HPSE2: variants seen among roughly 807,000 people sequenced by gnomAD.
HPSE2 encodes the protein heparanase 2 (inactive), also known as inactive heparanase-2.
Under a neutral mutation model 60.5 loss-of-function variants are expected in HPSE2, and 38 were observed. The observed-to-expected ratio is 0.63, with a 90% CI of 0.48 to 0.82. The LOEUF is 0.82. Ranked by LOEUF, HPSE2 falls within the 40% of genes least tolerant of loss-of-function variation. HPSE2 has a pLI of 0.00. For synonymous variants in HPSE2, 295 were observed against 293.2 expected (o/e 1.01, Z -0.06); for missense variants, 713 against 740.4 (o/e 0.96, Z 0.43).
the HPSE2 span, among the ~76,000 whole-genome samples, chr10:99,305,576 C>T: frequency 6.6e-6 from 1 of 152,148 alleles, no homozygotes; most frequent in South Asian, 2.1e-4. Context: ...TAAATCACCT[C>T]TGGTGGAAGA....
Position 99,154,913 on chromosome 10 carries a change from C to T in HPSE2, c.449-10514G>A, listed in dbSNP as rs865915898. ...AAATAAAGGGATGGAGGAAGATCTA[C>T]CAAGCAAATGGAAAACAAAAAAAGG... On this transcript the variant is annotated intron_variant, in intron 2 of 11. Transcript: ENST00000370552. Among the ~76,000 whole-genome samples the T allele has an allele frequency of 2.0e-3, 310 of 151,924 alleles. 2 individuals are homozygous for T. Among genetic ancestry groups the T allele is most frequent in the African/African-American group, 7.3e-3 (303 of 41,426 alleles).
At chr10:99,191,739 T>C (rs1848229385) in intron 2 of HPSE2, among the ~76,000 whole-genome samples, 1 of 152,062 alleles carries the variant, frequency 6.6e-6, no homozygotes, top group South Asian at 2.1e-4. Flanking sequence ...TCCACAACCA[T>C]CAACAACATC....
intron 7 of HPSE2, among the ~76,000 whole-genome samples, chr10:98,630,110 C>T (rs1946320867): frequency 1.3e-5 from 2 of 152,128 alleles, no homozygotes; most frequent in Admixed American, 6.5e-5. Flanking sequence ...TCCCCCATTG[C>T]TCCCCTGTGG....
chr10:98,715,096 G>GAT (rs1363227743), intron 5 of HPSE2, among the ~76,000 whole-genome samples: 4 of 151,774 alleles, frequency 2.6e-5, no homozygotes, highest in African/African-American at 7.3e-5. Context: ...TCTCTTATCA[G>GAT]ATATATGACT....
At chr10:99,002,795 C>T (rs1019821900) in intron 3 of HPSE2, among the ~76,000 whole-genome samples, 14 of 151,758 alleles carry the variant, frequency 9.2e-5, no homozygotes, top group African/African-American at 2.9e-4. Flanking sequence ...TTACAAAATA[C>T]GTATACAAAA....
intron 9 of HPSE2, among the ~76,000 whole-genome samples, chr10:98,606,252 T>C (rs1462140): frequency 0.1 from 15,270 of 152,164 alleles, 845 homozygotes; most frequent in South Asian, 0.18. Flanking sequence ...GAAGCAAGAG[T>C]TGAGTACAGA....
chr10:98,729,301 T>A (rs530403424), intron 4 of HPSE2, among the ~76,000 whole-genome samples: 21 of 150,946 alleles, frequency 1.4e-4, no homozygotes, highest in South Asian at 8.3e-4. Flanking sequence ...GAAGGTAAAA[T>A]TTTTTTTTAA....
chr10:99,266,855 G>C, the HPSE2 span, among the ~76,000 whole-genome samples: 3 of 152,156 alleles, frequency 2.0e-5, no homozygotes, highest in African/African-American at 7.2e-5. Flanking sequence ...GTACCAGCCT[G>C]AAGCCCGGCA....
intron 9 of HPSE2, among the ~76,000 whole-genome samples, chr10:98,569,127 G>A (rs937649350): frequency 6.7e-6 from 1 of 149,368 alleles, no homozygotes; most frequent in African/African-American, 2.5e-5. Flanking sequence ...GCAATGGCTC[G>A]ATCTCAGGTC....
chr10:99,234,414 A>G (rs747170064), intron 1 of HPSE2, among the ~76,000 whole-genome samples: 115 of 152,252 alleles, frequency 7.6e-4, no homozygotes, highest in Non-Finnish European at 1.5e-3. Context: ...CGAAGGACGC[A>G]CAACGGACCT....
chr10:99,117,233 T>C (rs1403100546), intron 3 of HPSE2, among the ~76,000 whole-genome samples: 3 of 149,892 alleles, frequency 2.0e-5, no homozygotes, highest in African/African-American at 7.3e-5. Flanking sequence ...CCTAAATAAG[T>C]AGATAATTCA....
intron 6 of HPSE2, among the ~76,000 whole-genome samples, chr10:98,662,620 G>A (rs1947254639): frequency 6.6e-6 from 1 of 152,164 alleles, no homozygotes; most frequent in African/African-American, 2.4e-5. Flanking sequence ...TAGTACCTGG[G>A]TGATGAAATA....
intron 3 of HPSE2, among the ~76,000 whole-genome samples, chr10:98,968,639 T>C (rs1955874049): frequency 6.6e-6 from 1 of 152,208 alleles, no homozygotes; most frequent in South Asian, 2.1e-4. Flanking sequence ...ATGTGGTATA[T>C]ATACACCATG....
chr10:99,089,533 G>T (rs1843441515), intron 3 of HPSE2, among the ~76,000 whole-genome samples: 1 of 152,112 alleles, frequency 6.6e-6, no homozygotes, highest in Admixed American at 6.6e-5. Flanking sequence ...TGGTCTATGT[G>T]CCTATTTTTA....
intron 3 of HPSE2, among the ~76,000 whole-genome samples, chr10:98,829,058 A>C (rs1951620382): frequency 6.6e-6 from 1 of 152,240 alleles, no homozygotes; most frequent in South Asian, 2.1e-4. Context: ...CCTTGAAGAC[A>C]TTAATGTTAA....
chr10:98,791,413 C>T (rs1047816929), intron 3 of HPSE2, among the ~76,000 whole-genome samples: 1 of 152,026 alleles, frequency 6.6e-6, no homozygotes, highest in Non-Finnish European at 1.5e-5. Flanking sequence ...AATGGGAATG[C>T]GCTGAGAAAG....
intron 3 of HPSE2, among the ~76,000 whole-genome samples, chr10:98,903,521 T>C (rs1953724582): frequency 6.6e-6 from 1 of 152,124 alleles, no homozygotes; most frequent in Non-Finnish European, 1.5e-5. Flanking sequence ...ACCTCTTTAG[T>C]GCTAAGATCA....
rs557373856 is a variant in HPSE2, at chr10:99,224,760, A to T, written c.448+7588T>A. ...ATAATAATTTGGTATTGGCAACAGT[A>T]GTACAGTTGCATTGTACAAAAAAAA... On this transcript the variant is annotated intron_variant, in intron 2 of 11. Coordinates refer to ENST00000370552, the MANE Select transcript of HPSE2 (RefSeq NM_021828.5). 6.6e-5 allele frequency among the ~76,000 whole-genome samples: 10 copies of T among 152,274 alleles called. No individual in the cohort carries two copies. In the South Asian group the frequency reaches 2.1e-3, roughly 32 times the overall value.
intron 3 of HPSE2, among the ~76,000 whole-genome samples, chr10:98,751,371 G>A (rs538594659): frequency 6.6e-6 from 1 of 152,264 alleles, no homozygotes; most frequent in Admixed American, 6.5e-5. Flanking sequence ...GAGACCAAGT[G>A]TATGCAAGTT....
Sources: gnomAD v4.1 joint callset for allele counts (sites outside exome capture counted in the v4.1 genomes callset) on GRCh38, gnomAD v4.1.1 for gene constraint, MANE v1.5 for transcripts, NCBI Gene and HGNC (gene_info 2026-07-23, HGNC 2026-07-21) for gene names.